The following COPA variants were observed in gnomAD, a reference collection of about 807,000 sequenced individuals.
COPA encodes coat protein complex I subunit alpha.
In COPA, 10 loss-of-function variants were observed where a neutral mutation model predicts 158.7. That is an observed-to-expected ratio of 0.06 (90% CI 0.04 to 0.11). The LOEUF (loss-of-function observed/expected upper bound fraction) is 0.11. Among genes scored for constraint, COPA ranks in the 10% least tolerant of loss-of-function variants. The pLI, the probability that COPA is intolerant of heterozygous loss-of-function variation, is 1.00. For missense variants in COPA, 1,065 were observed against 1,536.7 expected (o/e 0.69, Z 5.13); for synonymous variants, 462 against 542.8 (o/e 0.85, Z 2.07).
At chr1:160,315,787 T>A (rs1388634188) in intron 8 of COPA, among the ~76,000 whole-genome samples, 3 of 152,058 alleles carry the variant, frequency 2.0e-5, no homozygotes, top group Non-Finnish European at 4.4e-5. Flanking sequence ...AAAAATACAA[T>A]GACTGACCCT....
chr1:160,302,549 CTTTTTTT>C (rs35112618), intron 17 of COPA, among the ~76,000 whole-genome samples: 2 of 91,688 alleles, frequency 2.2e-5, no homozygotes, highest in Non-Finnish European at 4.2e-5. Flanking sequence ...TCACAAGTTA[CTTTTTTT>C]TTTTTTTTTT....
At chr1:160,327,727 G>A (rs555343393) in intron 6 of COPA, among the ~76,000 whole-genome samples, 4 of 152,110 alleles carry the variant, frequency 2.6e-5, no homozygotes, top group South Asian at 4.2e-4. Flanking sequence ...GTGTGGTGGT[G>A]CATGCCTGTA....
In COPA at chr1:160,293,394, G is replaced by T; in HGVS notation, c.2746C>A (p.Pro916Thr). 1 of 1,613,492 alleles carries T rather than the reference G, an allele frequency of 6.2e-7. No homozygotes were observed. Among genetic ancestry groups the T allele is most frequent in the Non-Finnish European group, 8.5e-7 (1 of 1,179,772 alleles). The change falls in exon 26 of 33, where the codon CCA becomes ACA. Residue 916 changes from proline (P) to threonine (T), a missense_variant. Coordinates refer to ENST00000241704, the MANE Select transcript of COPA (RefSeq NM_004371.4). ...GGTTTCTTCCCGCTTACCTGAGTTG[G>T]ACTTGTTCCCTTGGTTGGGGGCACA... is the stretch of plus-strand genomic sequence containing the variant. ...FFVPPTKGTS[P>T]TQIWCNNSQL...
chr1:160,296,229 C>T, intron 21 of COPA, 80 bp from the exon 22 acceptor site: 1 of 1,159,172 alleles, frequency 8.6e-7, no homozygotes, highest in Non-Finnish European at 1.3e-6. Flanking sequence ...GAAATGGCCC[C>T]CCAGTAATCC....
intron 8 of COPA, chr1:160,317,351 T>C: frequency 6.3e-7 from 1 of 1,574,852 alleles, no homozygotes; most frequent in Middle Eastern, 2.3e-4. Context: ...AGGTTCTGCT[T>C]ACCCGAGGCC....
intron 8 of COPA, among the ~76,000 whole-genome samples, chr1:160,320,629 A>AAAAAC (rs1659301244): frequency 6.7e-6 from 1 of 149,616 alleles, no homozygotes; most frequent in Non-Finnish European, 1.5e-5. Context: ...AAAAAAAAAA[A>AAAAAC]AAAGATTGAA....
chr1:160,307,128 C>A lies in COPA; in HGVS notation c.1302+35G>T, dbSNP rs1171105106. On this transcript the variant is annotated intron_variant, in intron 14 of 32. Transcript: ENST00000241704. ...ATACACAGGCCACTGCCACCACACT[C>A]CCCAAATTAGTTTCTGCTTTTAGTC... 6 of 1,605,248 alleles carry A rather than the reference C, an allele frequency of 3.7e-6. No homozygotes were observed. In the Admixed American group the frequency reaches 1.0e-4, roughly 27 times the overall value.
intron 8 of COPA, chr1:160,317,759 T>C (rs1423821061): frequency 8.4e-7 from 1 of 1,183,826 alleles, no homozygotes; most frequent in Non-Finnish European, 1.3e-6. Context: ...TTTTTAAAAA[T>C]AGTTCTTTTG....
intron 24 of COPA, 68 bp downstream of exon 24, chr1:160,294,700 C>T: frequency 6.3e-7 from 1 of 1,595,220 alleles, no homozygotes. Context: ...GTCTGCAGAG[C>T]TACCCACAAC....
intron 8 of COPA, among the ~76,000 whole-genome samples, chr1:160,322,877 G>T (rs868835355): frequency 6.6e-6 from 1 of 152,020 alleles, no homozygotes; most frequent in Non-Finnish European, 1.5e-5. Flanking sequence ...TATCAAAGCG[G>T]TATCTGCATC....
intron 1 of COPA, among the ~76,000 whole-genome samples, chr1:160,342,590 T>C (rs1254466154): frequency 1.3e-5 from 2 of 152,214 alleles, no homozygotes; most frequent in East Asian, 1.9e-4. Context: ...CTCTATCAAG[T>C]TGAGACTTTA....
rs756426513 is a variant in COPA, at chr1:160,337,752, AAAAC to A, written c.228+2153_228+2156del. Among the ~76,000 whole-genome samples, 210 of 145,942 alleles carry A rather than the reference AAAAC, an allele frequency of 1.4e-3. 1 individual carries two copies. The highest frequency in any genetic ancestry group is 2.5e-3 in the Admixed American group (37 of 14,548). On this transcript the variant is annotated intron_variant, in intron 3 of 32. Transcript: ENST00000241704. The stretch of plus-strand genomic sequence containing the variant: ...AACAAACAAACAAACAAACAAACAA[AAAAC>A]AAACCAAAAAAACCCACCAAATGAT...
Position 160,297,584 on chromosome 1 carries a change from T to G in COPA, c.2139A>C (p.Leu713Phe). 1 of 1,614,206 alleles carries G rather than the reference T, an allele frequency of 6.2e-7. No individual in the cohort carries two copies. Among genetic ancestry groups the G allele is most frequent in the Non-Finnish European group, 8.5e-7 (1 of 1,180,018 alleles). The change falls in exon 20 of 33, where the codon TTA becomes TTC. Residue 713 changes from leucine to phenylalanine, a missense_variant. Physicochemically the swap from Leu to Phe is conservative, Grantham distance 22 (BLOSUM62 0). Around this residue, in one of 2 missense-constraint regions of COPA, gnomAD observed 980 missense variants for 1,357.8 expected, o/e 0.72. Coordinates refer to ENST00000241704, the MANE Select transcript of COPA (RefSeq NM_004371.4). The stretch of plus-strand genomic sequence containing the variant: ...TCTTCATCATCTTGCGAAGTTTTTC[T>G]AAGTTGCCAGTGATAAGATACAGGA... ...LSFLYLITGN[L>F]EKLRKMMKIA...
intron 8 of COPA, chr1:160,317,792 T>C (rs910373464): frequency 2.3e-6 from 2 of 865,016 alleles, no homozygotes; most frequent in African/African-American, 3.4e-5. Flanking sequence ...AAAAACGGAA[T>C]TGAAAACTGG....
chr1:160,323,089 C>T (rs868169847), intron 8 of COPA, among the ~76,000 whole-genome samples: 1 of 151,730 alleles, frequency 6.6e-6, no homozygotes, highest in Non-Finnish European at 1.5e-5. Context: ...AACTGGAGGC[C>T]ATTATGTTAA....
At chr1:160,334,709 G>A (rs1647681308) in intron 4 of COPA, among the ~76,000 whole-genome samples, 1 of 152,174 alleles carries the variant, frequency 6.6e-6, no homozygotes, top group African/African-American at 2.4e-5. Context: ...TGGATTCAGA[G>A]GTTGGGAGTC....
chr1:160,326,581 C>T (rs1647225027), intron 6 of COPA, among the ~76,000 whole-genome samples: 1 of 152,162 alleles, frequency 6.6e-6, no homozygotes, highest in Admixed American at 6.5e-5. Context: ...AACTTGAAGC[C>T]TTTCGACAGC....
chr1:160,322,989 G>GCACACA (rs112126446), intron 8 of COPA, among the ~76,000 whole-genome samples: 1,830 of 145,398 alleles, frequency 0.013, 33 homozygotes, highest in African/African-American at 0.036. Flanking sequence ...ACGCGCACGT[G>GCACACA]CACACACACA....
chr1:160,324,175 C>G (rs1254650026), intron 7 of COPA, among the ~76,000 whole-genome samples: 1 of 151,612 alleles, frequency 6.6e-6, no homozygotes, highest in Non-Finnish European at 1.5e-5. Context: ...ACTTTTATAA[C>G]TTAATGCAGA....
Sources: gnomAD v4.1 joint callset for allele counts (sites outside exome capture counted in the v4.1 genomes callset) on GRCh38, gnomAD v4.1.1 for gene constraint, gnomAD v4.1.1 regional missense constraint, MANE v1.5 for transcripts, NCBI Gene and HGNC (gene_info 2026-07-23, HGNC 2026-07-21) for gene names.